GLI3: variants seen among roughly 807,000 people sequenced by gnomAD.
GLI3 encodes GLI family zinc finger 3.
In GLI3, 20 loss-of-function variants were observed where a neutral mutation model predicts 100.8. The ratio of observed to expected loss-of-function variants is 0.20; its 90% confidence interval spans 0.14 to 0.29. The LOEUF (loss-of-function observed/expected upper bound fraction) is 0.29, where lower values mean the gene tolerates loss of function less well. Among genes scored for constraint, GLI3 ranks in the 10% least tolerant of loss-of-function variants. GLI3 has a pLI of 1.00. For synonymous variants in GLI3, 938 were observed against 860.5 expected, an observed-to-expected ratio of 1.09 and a Z score of -1.58; for missense variants, 2,040 against 2,128.5, an observed-to-expected ratio of 0.96 and a Z score of 0.82.
intron 7 of GLI3, among the ~76,000 whole-genome samples, chr7:42,032,088 A>G (rs1398446168): frequency 6.6e-6 from 1 of 152,282 alleles, no homozygotes; most frequent in South Asian, 2.1e-4. Context: ...AATCTCAAAA[A>G]CTATACCCAA....
rs981424549 is a variant in GLI3, at chr7:42,073,987, C to T, written c.473+2765G>A. On this transcript the variant is annotated intron_variant, in intron 4 of 14. Coordinates refer to ENST00000395925, the MANE Select transcript of GLI3 (RefSeq NM_000168.6). ...TTCTATAACCAAGCCACATTTGCCT[C>T]GATTAGCCTCCACTTTCAAGGTGAT... 5.3e-5 allele frequency among the ~76,000 whole-genome samples: 8 copies of T among 152,280 alleles called. 1 individual carries two copies. The highest frequency in any genetic ancestry group is 1.7e-4 in the African/African-American group (7 of 41,564).
At chr7:41,997,088 C>T (rs909157701) in intron 10 of GLI3, among the ~76,000 whole-genome samples, 3 of 152,044 alleles carry the variant, frequency 2.0e-5, no homozygotes, top group Non-Finnish European at 2.9e-5. Flanking sequence ...GTGGTGTGGG[C>T]GTTCACTGTT....
chr7:42,223,073 G>A, intron 2 of GLI3, 57 bp downstream of exon 2: 1 of 1,594,662 alleles, frequency 6.3e-7, no homozygotes, highest in Non-Finnish European at 8.6e-7. Context: ...CACAAGGAAT[G>A]CAGAGAACAC....
chr7:42,151,578 A>G (rs1248416745), intron 2 of GLI3: 3 of 152,256 alleles, frequency 2.0e-5, no homozygotes, highest in Non-Finnish European at 4.4e-5. Flanking sequence ...CACTGCTCCA[A>G]GAGCATCTGC....
chr7:42,140,172 C>T (rs1786533129), intron 3 of GLI3, among the ~76,000 whole-genome samples: 1 of 152,210 alleles, frequency 6.6e-6, no homozygotes, highest in Non-Finnish European at 1.5e-5. Flanking sequence ...TTCTGGACTG[C>T]CAAGGCTGGG....
chr7:42,264,084 C>T (rs1183824822), exon 1 of GLI3, among the ~76,000 whole-genome samples: 1 of 152,176 alleles, frequency 6.6e-6, no homozygotes, highest in Non-Finnish European at 1.5e-5. Flanking sequence ...GCTGTCCAGG[C>T]ATCCAGCAGC....
At chr7:42,202,342 TCTCTCACACACA>T (rs745367465) in intron 2 of GLI3, among the ~76,000 whole-genome samples, 11 of 43,048 alleles carry the variant, frequency 2.6e-4, no homozygotes, top group East Asian at 1.4e-3. Context: ...TCTCTCTCTC[TCTCTCACACACA>T]CACACACACA....
intron 10 of GLI3, among the ~76,000 whole-genome samples, chr7:41,991,972 A>T (rs1787999372): frequency 6.6e-6 from 1 of 152,182 alleles, no homozygotes; most frequent in Non-Finnish European, 1.5e-5. Context: ...TGGCTGTAGG[A>T]TGAGTGCTGC....
intron 1 of GLI3, among the ~76,000 whole-genome samples, chr7:42,263,740 A>G (rs1789171357): frequency 6.6e-6 from 1 of 151,896 alleles, no homozygotes; most frequent in East Asian, 1.9e-4. Context: ...GAGCCACCGC[A>G]CCCCACCAGA....
At chr7:42,096,762 C>A (rs1220499567) in intron 3 of GLI3, among the ~76,000 whole-genome samples, 1 of 152,142 alleles carries the variant, frequency 6.6e-6, no homozygotes, top group East Asian at 1.9e-4. Flanking sequence ...AGAACTCTGC[C>A]ATGGAAATCA....
chr7:41,965,924 G>T lies in GLI3; in HGVS notation c.3149C>A (p.Thr1050Lys). The change falls in exon 15 of 15, where the codon ACG (threonine) becomes AAG (lysine). Residue 1050 changes from threonine to lysine, a missense_variant. By Grantham distance (78) the Thr-to-Lys change is moderately conservative. Transcript: ENST00000395925. ...EKRSLVLQNY[T>K]RPEGGQSRNF... Reference sequence around the variant, plus strand: ...TCGGGACTGGCCGCCCTCGGGCCGCGTGTAATTCTGAAGCACGAGACTGCG... The same window carrying T: ...TCGGGACTGGCCGCCCTCGGGCCGCTTGTAATTCTGAAGCACGAGACTGCG... The T allele has an allele frequency of 6.2e-7, 1 of 1,613,268 alleles. No homozygotes were observed. Among genetic ancestry groups the T allele is most frequent in the Non-Finnish European group, 8.5e-7 (1 of 1,179,912 alleles).
Position 41,967,943 on chromosome 7 carries a change from A to G in GLI3, c.2104-20T>C. The stretch of plus-strand genomic sequence containing the variant: ...AGATGTCTGTTGGGGTCAAGTGGAA[A>G]GGAAAGAAATGTCACCAGGGAGGGT... On this transcript the variant is annotated intron_variant, in intron 13 of 14. Coordinates refer to ENST00000395925, the MANE Select transcript of GLI3 (RefSeq NM_000168.6). 6.2e-7 allele frequency: 1 copy of G among 1,605,974 alleles called. No homozygotes were observed.
intron 10 of GLI3, among the ~76,000 whole-genome samples, chr7:42,000,838 G>A (rs1788266788): frequency 6.6e-6 from 1 of 152,020 alleles, no homozygotes; most frequent in Non-Finnish European, 1.5e-5. Flanking sequence ...GTGGAATAAA[G>A]GAAACTGAGA....
At chr7:41,976,194 T>C (rs1787509011) in intron 12 of GLI3, among the ~76,000 whole-genome samples, 1 of 152,162 alleles carries the variant, frequency 6.6e-6, no homozygotes, top group African/African-American at 2.4e-5. Flanking sequence ...ACAAAACAAG[T>C]GTAATAGATT....
chr7:42,042,013 C>CGT (rs1377774939), intron 6 of GLI3, among the ~76,000 whole-genome samples: 1 of 116,358 alleles, frequency 8.6e-6, no homozygotes, highest in African/African-American at 3.8e-5. Flanking sequence ...CAACGATTTC[C>CGT]TTTTTTTTTT....
intron 3 of GLI3, among the ~76,000 whole-genome samples, chr7:42,089,564 C>T (rs1785173098): frequency 6.6e-6 from 1 of 152,142 alleles, no homozygotes; most frequent in Admixed American, 6.5e-5. Context: ...CGGGAAAAGG[C>T]CAAATACTCA....
At chr7:42,030,705 T>TG (rs1473662121) in intron 7 of GLI3, among the ~76,000 whole-genome samples, 4 of 151,736 alleles carry the variant, frequency 2.6e-5, no homozygotes, top group African/African-American at 9.7e-5. Context: ...TGTTTTTTTT[T>TG]TTTTTGTTTT....
intron 2 of GLI3, among the ~76,000 whole-genome samples, chr7:42,183,460 C>A (rs1202541684): frequency 6.6e-6 from 1 of 152,146 alleles, no homozygotes; most frequent in African/African-American, 2.4e-5. Context: ...TTATCTTACC[C>A]CAGCCAGGGC....
At chr7:42,083,670 G>GA (rs931411729) in intron 3 of GLI3, among the ~76,000 whole-genome samples, 8 of 151,080 alleles carry the variant, frequency 5.3e-5, no homozygotes, top group African/African-American at 1.2e-4. Context: ...TTACATTTCA[G>GA]AAAAAAAAAT....
Sources: allele counts gnomAD v4.1 joint callset (sites outside exome capture counted in the v4.1 genomes callset), GRCh38; gene constraint gnomAD v4.1.1; transcripts MANE v1.5; gene names NCBI Gene and HGNC (gene_info 2026-07-23, HGNC 2026-07-21).